The following SLC35B1 variants were observed in gnomAD, a reference collection of about 807,000 sequenced individuals.
The protein encoded by SLC35B1 is solute carrier family 35 member B1.
Under a neutral mutation model 36.6 loss-of-function variants are expected in SLC35B1, and 27 were observed. The observed-to-expected ratio is 0.74, with a 90% CI of 0.54 to 1.02. The LOEUF is 1.02. Among genes scored for constraint, SLC35B1 ranks in the 50% least tolerant of loss-of-function variants. The pLI, the probability that SLC35B1 is intolerant of heterozygous loss-of-function variation, is 0.00. For synonymous variants in SLC35B1, 162 were observed against 152.5 expected, an observed-to-expected ratio of 1.06 and a Z score of -0.46; for missense variants, 321 against 383.2, an observed-to-expected ratio of 0.84 and a Z score of 1.35.
chr17:49,703,492 G>C, intron 6 of SLC35B1, 198 bp from the exon 7 acceptor site: 2 of 518,014 alleles, frequency 3.9e-6, no homozygotes, highest in Non-Finnish European at 7.0e-6. Context: ...TCTCTGATTA[G>C]AGAAACTAAA....
chr17:49,706,638 A>C (rs536534058), intron 2 of SLC35B1, among the ~76,000 whole-genome samples: 7 of 152,356 alleles, frequency 4.6e-5, no homozygotes, highest in Admixed American at 4.6e-4. Flanking sequence ...CAAAGAGAGA[A>C]TGCTCAAAGC....
At chr17:49,704,698 A>G (rs2073394515) in intron 5 of SLC35B1, among the ~76,000 whole-genome samples, 1 of 152,246 alleles carries the variant, frequency 6.6e-6, no homozygotes, top group African/African-American at 2.4e-5. Flanking sequence ...ATAATACTAC[A>G]TATGAGATTA....
Position 49,705,130 on chromosome 17 carries a change from T to C in SLC35B1, c.522A>G (p.Leu174=). 1 of 1,613,862 alleles carries C rather than the reference T, an allele frequency of 6.2e-7. No individual in the cohort carries two copies. Among genetic ancestry groups the C allele is most frequent in the East Asian group, 2.2e-5 (1 of 44,870 alleles). ...IEEHTVGYGE[L]LLLLSLTLDG... ...CCCCAACAGGATCTCATACCAAGAG[T>C]AGCTCTCCATAGCCGACTGTGTGTT... The change falls in exon 5 of 9, where the codon CTA becomes CTG. Residue 174 remains leucine, a synonymous_variant. Coordinates refer to ENST00000240333, the MANE Select transcript of SLC35B1 (RefSeq NM_005827.4).
chr17:49,702,030 T>C (rs1193747431), intron 8 of SLC35B1: 1 of 249,104 alleles, frequency 4.0e-6, no homozygotes, highest in Non-Finnish European at 8.5e-6. Flanking sequence ...GAGATCAAGG[T>C]TGCAGTGGAC....
upstream of SLC35B1, chr17:49,708,020 G>C (rs1229147116): frequency 7.6e-7 from 1 of 1,309,752 alleles, no homozygotes; most frequent in African/African-American, 1.5e-5. Context: ...CTGCCAAGGG[G>C]GAAACTCCTC....
At chr17:49,705,599 A>C in intron 4 of SLC35B1, 2 of 592,344 alleles carry the variant, frequency 3.4e-6, no homozygotes, top group Non-Finnish European at 3.0e-6. Flanking sequence ...AAGTTGTCTA[A>C]TGACAATATA....
chr17:49,703,032 G>A (rs757995153), intron 7 of SLC35B1, 21 bp from the exon 8 acceptor site: 28 of 1,613,638 alleles, frequency 1.7e-5, no homozygotes, highest in Non-Finnish European at 2.2e-5. Flanking sequence ...ATAAAGGTGA[G>A]GTCCGGTGGG....
At position 49,702,864 on chromosome 17, in the gene SLC35B1, A is replaced by G; in HGVS notation, c.910T>C (p.Phe304Leu). The G allele has an allele frequency of 6.2e-7, 1 of 1,613,506 alleles. No homozygotes were observed. Among genetic ancestry groups the G allele is most frequent in the Non-Finnish European group, 8.5e-7 (1 of 1,179,534 alleles). Reference protein sequence around the residue: ...PMQWVGTVLVFLGLGLDAKFG... With the variant: ...PMQWVGTVLVLLGLGLDAKFG... ...TCTCTGTGTGGCCACTTACCCAGGA[A>G]CACAAGCACAGTGCCCACCCACTGC... Residue 304 changes from phenylalanine to leucine, a missense_variant, in exon 8 of 9, where the codon TTC becomes CTC. By Grantham distance (22) the Phe-to-Leu change is conservative (BLOSUM62 0). Coordinates refer to ENST00000240333, the MANE Select transcript of SLC35B1 (RefSeq NM_005827.4).
intron 4 of SLC35B1, 115 bp downstream of exon 4, chr17:49,705,751 C>A: frequency 3.0e-6 from 3 of 992,400 alleles, no homozygotes; most frequent in Non-Finnish European, 4.8e-6. Context: ...GGGGGAAAGT[C>A]CCTGGAGACA....
chr17:49,704,291 C>T (rs2073388291), intron 5 of SLC35B1, 65 bp from the exon 6 acceptor site: 1 of 1,582,806 alleles, frequency 6.3e-7, no homozygotes, highest in African/African-American at 1.3e-5. Flanking sequence ...ACCCAGGACA[C>T]AGGATTCTCA....
chr17:49,706,038 C>T (rs905852182), intron 3 of SLC35B1, 142 bp from the exon 4 acceptor site: 2 of 1,272,920 alleles, frequency 1.6e-6, no homozygotes, highest in African/African-American at 1.5e-5. Context: ...CATGGCCCAA[C>T]CCACCACCAC....
At chr17:49,702,830 G>T in intron 8 of SLC35B1, 28 bp downstream of exon 8, 1 of 1,580,776 alleles carries the variant, frequency 6.3e-7, no homozygotes, top group Non-Finnish European at 8.6e-7. Flanking sequence ...AAATTCAGCT[G>T]TCACTGTGTC....
chr17:49,703,346 GCGCACACACACA>G (rs2073375749), intron 6 of SLC35B1, 52 bp from the exon 7 acceptor site: 5 of 667,722 alleles, frequency 7.5e-6, no homozygotes, highest in Non-Finnish European at 9.4e-6. Context: ...CACAAAATGT[GCGCACACACACA>G]CACACACACA....
chr17:49,706,102 C>CTT (rs558001093), intron 3 of SLC35B1, 102 bp downstream of exon 3: 57,796 of 826,964 alleles, frequency 0.07, 2,048 homozygotes, highest in Non-Finnish European at 0.078. Flanking sequence ...GGACCGTTAT[C>CTT]TTTTTTTTTT....
At position 49,702,914 on chromosome 17, in the gene SLC35B1, A is replaced by G; in HGVS notation, c.860T>C (p.Leu287Pro). 6.2e-7 allele frequency: 1 copy of G among 1,614,174 alleles called. No homozygotes were observed. Among genetic ancestry groups the G allele is most frequent in the South Asian group, 1.1e-5 (1 of 91,084 alleles). Residue 287 changes from leucine to proline, a missense_variant, in exon 8 of 9, where the codon CTC becomes CCC. Leu to Pro is a moderately conservative substitution (Grantham distance 98). Transcript: ENST00000240333. ...CATGGGGCTGATGGGATTGGCGAAG[A>G]GGATCACAGAGGCCAAAATTGTGAA... is the stretch of plus-strand genomic sequence containing the variant. Reference protein sequence around the residue: ...KFFTILASVILFANPISPMQW... With the variant: ...KFFTILASVIPFANPISPMQW...
intron 2 of SLC35B1, 38 bp downstream of exon 2, chr17:49,706,927 T>G (rs754795178): frequency 1.1e-5 from 16 of 1,452,084 alleles, no homozygotes; most frequent in Middle Eastern, 1.7e-4. Context: ...GAACTTGGGG[T>G]GGTGGGGTAC....
At chr17:49,703,650 A>G (rs2073380074) in intron 6 of SLC35B1, 1 of 345,450 alleles carries the variant, frequency 2.9e-6, no homozygotes, top group South Asian at 2.6e-5. Context: ...AGCCATCAGC[A>G]GCCTCCACCA....
At chr17:49,708,109 C>T, upstream of SLC35B1, 3 of 715,380 alleles carry the variant, frequency 4.2e-6, no homozygotes, top group African/African-American at 1.7e-5. Context: ...GGGGAACCGG[C>T]AGCCTCGAGA....
chr17:49,703,789 T>C, intron 6 of SLC35B1: 2 of 381,420 alleles, frequency 5.2e-6, no homozygotes, highest in South Asian at 2.4e-5. Context: ...CTCTGTTTCC[T>C]GTGAGCACTA....
Sources: allele counts gnomAD v4.1 joint callset (sites outside exome capture counted in the v4.1 genomes callset), GRCh38; gene constraint gnomAD v4.1.1; transcripts MANE v1.5; gene names NCBI Gene and HGNC (gene_info 2026-07-23, HGNC 2026-07-21).